The following STX18 variants were observed in gnomAD, a reference collection of about 807,000 sequenced individuals.
The protein encoded by STX18 is syntaxin 18.
STX18 carries 40 observed loss-of-function variants against 50.1 expected under a neutral mutation model. The observed-to-expected ratio is 0.80, with a 90% CI of 0.62 to 1.04. The LOEUF (loss-of-function observed/expected upper bound fraction) is 1.04. Ranked by LOEUF, STX18 falls within the 50% of genes least tolerant of loss-of-function variation. The pLI, the probability that STX18 is intolerant of heterozygous loss-of-function variation, is 0.00. For missense variants in STX18, 410 were observed against 415.8 expected, an observed-to-expected ratio of 0.99 and a Z score of 0.12; for synonymous variants, 158 against 151.8, an observed-to-expected ratio of 1.04 and a Z score of -0.30.
At chr4:4,541,735 C>A in intron 1 of STX18, 62 bp downstream of exon 1, 1 of 1,545,796 alleles carries the variant, frequency 6.5e-7, no homozygotes, top group South Asian at 1.2e-5. Context: ...GTTTGGGGCC[C>A]GGGGTCCCTG....
At chr4:4,512,840 T>A (rs1159353240) in intron 1 of STX18, among the ~76,000 whole-genome samples, 1 of 152,106 alleles carries the variant, frequency 6.6e-6, no homozygotes, top group Non-Finnish European at 1.5e-5. Context: ...AAGTTAGACA[T>A]GGCAAAAAGC....
chr4:4,529,026 T>C (rs1193156474), intron 1 of STX18, among the ~76,000 whole-genome samples: 1 of 152,182 alleles, frequency 6.6e-6, no homozygotes, highest in South Asian at 2.1e-4. Context: ...CCACAAATCC[T>C]TTTCTCTTTT....
intron 7 of STX18, among the ~76,000 whole-genome samples, chr4:4,428,116 G>A (rs1725344180): frequency 2.0e-5 from 3 of 152,242 alleles, no homozygotes; most frequent in Admixed American, 6.5e-5. Context: ...GGCTTCCAAC[G>A]CTGTCTAAAT....
intron 1 of STX18, chr4:4,507,274 C>G: frequency 5.7e-6 from 4 of 707,132 alleles, no homozygotes. Flanking sequence ...CGGCATCTCC[C>G]AGGCTCTTCT....
intron 1 of STX18, among the ~76,000 whole-genome samples, chr4:4,490,076 A>G (rs1728875649): frequency 1.3e-5 from 2 of 152,232 alleles, no homozygotes; most frequent in Non-Finnish European, 2.9e-5. Context: ...TCAAAATCAC[A>G]TATCGAACTG....
rs28666675 is a variant in STX18 at position 4,421,215 on chromosome 4, C to T, written c.832-271G>A. Among the ~76,000 whole-genome samples the T allele has an allele frequency of 0.21, 32,018 of 152,026 alleles. 3,885 individuals are homozygous for T. The highest frequency in any genetic ancestry group is 0.33 in the African/African-American group (13,668 of 41,420). On this transcript the variant is annotated intron_variant, in intron 9 of 10. Coordinates refer to ENST00000306200, the MANE Select transcript of STX18 (RefSeq NM_016930.4). ...ATAGCCACAAATCCTCACAGCACCC[C>T]AAGAAGTAGGTATTACCTCTATTTT...
intron 1 of STX18, among the ~76,000 whole-genome samples, chr4:4,488,028 T>G (rs1728773697): frequency 6.6e-6 from 1 of 151,340 alleles, no homozygotes; most frequent in Admixed American, 6.6e-5. Context: ...TAAAAGTTGT[T>G]TTTTTTTTAA....
chr4:4,516,267 A>G (rs1730265228), intron 1 of STX18, among the ~76,000 whole-genome samples: 1 of 152,180 alleles, frequency 6.6e-6, no homozygotes, highest in Admixed American at 6.5e-5. Context: ...ACTTTTCAAA[A>G]TGTACTTTCA....
intron 1 of STX18, among the ~76,000 whole-genome samples, chr4:4,530,994 A>G (rs1731064774): frequency 6.6e-6 from 1 of 152,214 alleles, no homozygotes; most frequent in Non-Finnish European, 1.5e-5. Flanking sequence ...TTTACAGTTA[A>G]ATCTTTAGTC....
chr4:4,520,361 C>CCA (rs1730455921), intron 1 of STX18, among the ~76,000 whole-genome samples: 1 of 152,152 alleles, frequency 6.6e-6, no homozygotes, highest in African/African-American at 2.4e-5. Flanking sequence ...CTCCTTCCTT[C>CCA]CACACACACA....
intron 1 of STX18, among the ~76,000 whole-genome samples, chr4:4,539,924 C>T (rs796286262): frequency 2.6e-5 from 4 of 152,268 alleles, no homozygotes; most frequent in African/African-American, 7.2e-5. Flanking sequence ...CTGAGCAGGA[C>T]TCAAAATTAG....
chr4:4,459,665 C>A (rs1261477984), intron 2 of STX18, among the ~76,000 whole-genome samples, 178 bp from the exon 3 acceptor site: 1 of 152,146 alleles, frequency 6.6e-6, no homozygotes, highest in Non-Finnish European at 1.5e-5. Context: ...GATAGTAGAA[C>A]ACATATGAAG....
intron 1 of STX18, among the ~76,000 whole-genome samples, chr4:4,531,396 T>C (rs1731091647): frequency 1.3e-5 from 2 of 152,246 alleles, no homozygotes. Flanking sequence ...CTAGGTCATT[T>C]ACATTTCTTT....
At chr4:4,443,607 T>G (rs1166903989) in intron 5 of STX18, among the ~76,000 whole-genome samples, 1 of 152,128 alleles carries the variant, frequency 6.6e-6, no homozygotes, top group Non-Finnish European at 1.5e-5. Context: ...GAAGAGAAAA[T>G]TAGACACATA....
At chr4:4,498,273 A>C (rs1206517751) in intron 1 of STX18, among the ~76,000 whole-genome samples, 3 of 152,174 alleles carry the variant, frequency 2.0e-5, no homozygotes, top group Admixed American at 6.5e-5. Context: ...CAGCAAAAAG[A>C]AGCAAGTAGA....
intron 2 of STX18, among the ~76,000 whole-genome samples, chr4:4,464,261 A>G (rs1413418459): frequency 1.3e-5 from 2 of 152,222 alleles, no homozygotes; most frequent in African/African-American, 2.4e-5. Context: ...GGAAGAGACG[A>G]GACAAGACAC....
intron 1 of STX18, among the ~76,000 whole-genome samples, chr4:4,511,054 T>C (rs901163450): frequency 2.6e-5 from 4 of 152,160 alleles, no homozygotes; most frequent in Admixed American, 1.3e-4. Flanking sequence ...GCCTAATGCA[T>C]GCAGGGCTTA....
At chr4:4,497,380 T>C (rs1008981733) in intron 1 of STX18, among the ~76,000 whole-genome samples, 3 of 152,160 alleles carry the variant, frequency 2.0e-5, no homozygotes, top group Non-Finnish European at 4.4e-5. Flanking sequence ...CACTGACTGA[T>C]CAGGCCCTGG....
chr4:4,477,325 C>T (rs1728235942), intron 1 of STX18, among the ~76,000 whole-genome samples: 1 of 152,200 alleles, frequency 6.6e-6, no homozygotes, highest in South Asian at 2.1e-4. Context: ...TAGAGATTTT[C>T]TGCTACCAAA....
Sources: allele counts gnomAD v4.1 joint callset (sites outside exome capture counted in the v4.1 genomes callset), GRCh38; gene constraint gnomAD v4.1.1; transcripts MANE v1.5; gene names NCBI Gene and HGNC (gene_info 2026-07-23, HGNC 2026-07-21).